The following BMF variants were observed in gnomAD, a reference collection of about 807,000 sequenced individuals.
The protein encoded by BMF is Bcl2 modifying factor.
Under a neutral mutation model 22.0 loss-of-function variants are expected in BMF, and 10 were observed. That is an observed-to-expected ratio of 0.45 (90% CI 0.28 to 0.77). BMF has a LOEUF of 0.77. Among genes scored for constraint, BMF ranks in the 30% least tolerant of loss-of-function variants. BMF has a pLI of 0.13. For synonymous variants in BMF, 87 were observed against 88.1 expected (o/e 0.99, Z 0.07); for missense variants, 206 against 226.8 (o/e 0.91, Z 0.59).
intron 4 of BMF, among the ~76,000 whole-genome samples, chr15:40,102,783 G>A (rs1389181222): frequency 6.6e-6 from 1 of 152,220 alleles, no homozygotes; most frequent in Non-Finnish European, 1.5e-5. Context: ...TGGGCAGGAA[G>A]GAGGCCAAGA....
intron 3 of BMF, among the ~76,000 whole-genome samples, chr15:40,105,328 CCT>C (rs1476979631): frequency 2.0e-5 from 3 of 152,248 alleles, no homozygotes; most frequent in African/African-American, 7.2e-5. Flanking sequence ...GCAGGCCCAA[CCT>C]CTTTCTCCAG....
At chr15:40,107,285 T>C (rs1218720493) in intron 2 of BMF, among the ~76,000 whole-genome samples, 1 of 152,208 alleles carries the variant, frequency 6.6e-6, no homozygotes, top group Non-Finnish European at 1.5e-5. Context: ...CCTAGTCTCT[T>C]GCCTTTGAAG....
At chr15:40,107,607 CTTA>C in intron 2 of BMF, among the ~76,000 whole-genome samples, 1 of 150,746 alleles carries the variant, frequency 6.6e-6, no homozygotes, top group Non-Finnish European at 1.5e-5. Flanking sequence ...TGCACTCCAG[CTTA>C]TTAACAACAG....
In BMF at chr15:40,091,817, T is replaced by C; in HGVS notation, c.525A>G (p.Glu175=). 6.2e-7 allele frequency: 1 copy of C among 1,610,728 alleles called. No individual in the cohort carries two copies. Among genetic ancestry groups the C allele is most frequent in the Admixed American group, 1.7e-5 (1 of 59,790 alleles). ...LFLHNLALNG[E]ENRNGAGPR is the part of the protein sequence containing the mutation. ...TAGGGCCTGCCCCGTTCCTGTTCTCTTCTCCATTCAAAGCAAGGTTGTGCA... is the reference window on the plus strand; with the variant it reads ...TAGGGCCTGCCCCGTTCCTGTTCTCCTCTCCATTCAAAGCAAGGTTGTGCA... The change falls in exon 5 of 5, where the codon GAA becomes GAG. Residue 175 remains glutamate, a synonymous_variant. Coordinates refer to ENST00000354670, the MANE Select transcript of BMF (RefSeq NM_001003940.2).
chr15:40,099,448 A>G (rs1224561977), intron 4 of BMF, among the ~76,000 whole-genome samples: 1 of 152,186 alleles, frequency 6.6e-6, no homozygotes, highest in African/African-American at 2.4e-5. Flanking sequence ...ACAACTCCTA[A>G]AGGCCCTTCA....
Position 40,106,009 on chromosome 15 carries a change from G to C in BMF, c.78C>G (p.Pro26=). ...ACAGGTCAGCAGAGAGCAAGCTCCCGGGTTGGGTCACCGGCTCCCCATCCT... is the reference window on the plus strand; with the variant it reads ...ACAGGTCAGCAGAGAGCAAGCTCCCCGGTTGGGTCACCGGCTCCCCATCCT... ...QPEDGEPVTQ[P]GSLLSADLFA... Residue 26 remains proline (P), a synonymous_variant, in exon 3 of 5, where the codon CCC becomes CCG. Coordinates refer to ENST00000354670, the MANE Select transcript of BMF (RefSeq NM_001003940.2). This position sits in a 1 kb window ranked among gnomAD's most constrained non-coding sequence, Gnocchi z 4.1. 2 of 1,613,896 alleles carry C rather than the reference G, an allele frequency of 1.2e-6. No homozygotes were observed. Among genetic ancestry groups the C allele is most frequent in the South Asian group, 2.2e-5 (2 of 91,076 alleles).
At chr15:40,101,942 G>A (rs781705084) in intron 4 of BMF, among the ~76,000 whole-genome samples, 4 of 152,212 alleles carry the variant, frequency 2.6e-5, no homozygotes, top group Non-Finnish European at 5.9e-5. Flanking sequence ...GATGGCAGGA[G>A]GGTAGGGGTA....
chr15:40,099,829 C>G (rs927486145), intron 4 of BMF, among the ~76,000 whole-genome samples: 1 of 150,962 alleles, frequency 6.6e-6, no homozygotes, highest in South Asian at 2.1e-4. Flanking sequence ...ATGATTTGCC[C>G]ACGAACACAT....
chr15:40,107,570 G>A (rs1372297706), intron 2 of BMF, among the ~76,000 whole-genome samples: 1 of 148,778 alleles, frequency 6.7e-6, no homozygotes, highest in Non-Finnish European at 1.5e-5. Flanking sequence ...GTGTGTGTGT[G>A]TGTGTATGGG....
chr15:40,099,726 C>A (rs536337293), intron 4 of BMF, among the ~76,000 whole-genome samples: 9 of 142,374 alleles, frequency 6.3e-5, no homozygotes, highest in African/African-American at 2.1e-4. Context: ...TGCAGTGAGC[C>A]GAGATCGCAC....
intron 4 of BMF, among the ~76,000 whole-genome samples, chr15:40,103,038 C>G (rs1430087585): frequency 6.6e-6 from 1 of 152,208 alleles, no homozygotes; most frequent in Non-Finnish European, 1.5e-5. Flanking sequence ...CCGCAATGTC[C>G]TGTTCTTAGG....
intron 4 of BMF, among the ~76,000 whole-genome samples, chr15:40,101,017 G>C (rs2036465789): frequency 6.6e-6 from 1 of 152,198 alleles, no homozygotes; most frequent in South Asian, 2.1e-4. Flanking sequence ...TCTGCCTCTA[G>C]GGTTGCTTTT....
chr15:40,107,199 C>A (rs1350867948), intron 2 of BMF, among the ~76,000 whole-genome samples: 2 of 152,198 alleles, frequency 1.3e-5, no homozygotes, highest in African/African-American at 4.8e-5. Flanking sequence ...GCAGCAACCA[C>A]CTGAACAGCT....
Position 40,105,872 on chromosome 15 carries a change from G to T in BMF, c.215C>A (p.Thr72Asn). Residue 72 changes from threonine (T) to asparagine (N), a missense_variant, in exon 3 of 5, where the codon ACT (threonine) becomes AAT (asparagine). By Grantham distance (65) the Thr-to-Asn change is moderately conservative (BLOSUM62 0). Coordinates refer to ENST00000354670, the MANE Select transcript of BMF (RefSeq NM_001003940.2). ...PTSQEDKATQ[T>N]LSPASPSQGV... ...TTGGCTGGGGGAGGCTGGGCTGAGA[G>T]TCTGGGTAGCTTTGTCTTCCTGGCT... The T allele has an allele frequency of 5.0e-6, 8 of 1,614,194 alleles. No homozygotes were observed. Among genetic ancestry groups the T allele is most frequent in the Non-Finnish European group, 5.9e-6 (7 of 1,180,034 alleles).
intron 4 of BMF, among the ~76,000 whole-genome samples, chr15:40,098,064 GAA>G (rs943978114): frequency 6.6e-6 from 1 of 151,792 alleles, no homozygotes; most frequent in Non-Finnish European, 1.5e-5. Context: ...AACGGAAAAG[GAA>G]AAAAAAGACT....
At chr15:40,108,223 C>CACACACACACAT (rs1429199528) in intron 2 of BMF, 36 bp downstream of exon 2, 2 of 146,990 alleles carry the variant, frequency 1.4e-5, no homozygotes, top group Non-Finnish European at 3.0e-5. Context: ...ACTAGGAACA[C>CACACACACACAT]ACACACACAC....
intron 4 of BMF, among the ~76,000 whole-genome samples, chr15:40,101,929 G>A (rs899300966): frequency 9.9e-5 from 15 of 152,214 alleles, no homozygotes; most frequent in African/African-American, 3.6e-4. Flanking sequence ...TAAGAAGTAG[G>A]TAGATGGCAG....
At chr15:40,107,081 C>T (rs1448500776) in intron 2 of BMF, among the ~76,000 whole-genome samples, 1 of 152,192 alleles carries the variant, frequency 6.6e-6, no homozygotes, top group Non-Finnish European at 1.5e-5. Flanking sequence ...TCTTGCTCCA[C>T]CTGATGGCTC....
rs2036631722 is a variant in BMF, at chr15:40,108,400, G to A, written c.-133-14C>T. On this transcript the variant is annotated splice_polypyrimidine_tract_variant and intron_variant, in intron 1 of 4. Transcript: ENST00000354670. ...GAAAAAGCCCAGCTGTTAAGGAGAGGAGCCTTCAGACTCCGCAGAGAGGCA... is the reference window on the plus strand; with the variant it reads ...GAAAAAGCCCAGCTGTTAAGGAGAGAAGCCTTCAGACTCCGCAGAGAGGCA... 1 of 152,780 alleles carries A rather than the reference G, an allele frequency of 6.5e-6. No homozygotes were observed. The allele number at this position is 152,780 out of a possible 1,614,324, so 9.5% of individuals were successfully genotyped here. A position where few individuals can be genotyped will look rare whatever the true frequency, so the allele number is the denominator to read the frequency against.
Sources: gnomAD v4.1 joint callset for allele counts (sites outside exome capture counted in the v4.1 genomes callset) on GRCh38, gnomAD v4.1.1 for gene constraint, Gnocchi (gnomAD v3.1) non-coding constraint, MANE v1.5 for transcripts, NCBI Gene and HGNC (gene_info 2026-07-23, HGNC 2026-07-21) for gene names.